Variants in TMEM132C observed in about 807,000 individuals in gnomAD.
TMEM132C encodes the protein protein phosphatase 1, regulatory subunit 152.
In TMEM132C, 29 loss-of-function variants were observed where a neutral mutation model predicts 61.4. That is an observed-to-expected ratio of 0.47 (90% CI 0.35 to 0.64). TMEM132C has a LOEUF of 0.64. Among genes scored for constraint, TMEM132C ranks in the 30% least tolerant of loss-of-function variants. The pLI, the probability that TMEM132C is intolerant of heterozygous loss-of-function variation, is 0.00. For missense variants in TMEM132C, 1,408 were observed against 1,476.9 expected (o/e 0.95, Z 0.76); for synonymous variants, 656 against 633.1 (o/e 1.04, Z -0.54).
intron 4 of TMEM132C, among the ~76,000 whole-genome samples, chr12:128,635,245 C>T (rs1166252606): frequency 6.6e-6 from 1 of 152,172 alleles, no homozygotes; most frequent in Non-Finnish European, 1.5e-5. Context: ...AAAAAGTTTT[C>T]AGAATGCTTA....
At chr12:128,475,437 C>A (rs576494713) in intron 2 of TMEM132C, among the ~76,000 whole-genome samples, 1 of 151,884 alleles carries the variant, frequency 6.6e-6, no homozygotes, top group East Asian at 1.9e-4. Context: ...AACTGGCATG[C>A]GGTTGCACTT....
At chr12:128,688,204 A>G (rs1593149168) in intron 5 of TMEM132C, among the ~76,000 whole-genome samples, 1 of 152,190 alleles carries the variant, frequency 6.6e-6, no homozygotes. Flanking sequence ...AATGACTCGA[A>G]CAGCCACATG....
intron 4 of TMEM132C, among the ~76,000 whole-genome samples, chr12:128,645,131 A>C (rs914010264): frequency 3.9e-5 from 6 of 152,088 alleles, no homozygotes; most frequent in Admixed American, 3.3e-4. Flanking sequence ...TCCTGGCCGC[A>C]CTGGAGAAAG....
At chr12:128,578,151 C>T (rs527377667) in intron 3 of TMEM132C, among the ~76,000 whole-genome samples, 24 of 152,392 alleles carry the variant, frequency 1.6e-4, no homozygotes, top group Middle Eastern at 3.4e-3. Context: ...CCGCTTCCCT[C>T]CACGCCAGTG....
chr12:128,661,560 A>G (rs1157798344), intron 4 of TMEM132C, among the ~76,000 whole-genome samples: 1 of 76,164 alleles, frequency 1.3e-5, no homozygotes, highest in South Asian at 3.1e-4. Context: ...AGAAGATGCT[A>G]AAAAAAAAAA....
chr12:128,465,698 G>A (rs1305911478), intron 2 of TMEM132C, among the ~76,000 whole-genome samples: 1 of 152,240 alleles, frequency 6.6e-6, no homozygotes, highest in African/African-American at 2.4e-5. Context: ...GTGAGACCCT[G>A]CTTGGGTGTG....
chr12:128,334,342 C>T (rs1382418486), intron 1 of TMEM132C, among the ~76,000 whole-genome samples: 1 of 152,156 alleles, frequency 6.6e-6, no homozygotes, highest in African/African-American at 2.4e-5. Context: ...TGTTAGTCCC[C>T]AGCCTTGGCA....
chr12:128,570,507 T>C lies in TMEM132C; in HGVS notation c.1121+26404T>C, dbSNP rs1371114929. 2.6e-5 allele frequency among the ~76,000 whole-genome samples: 4 copies of C among 152,182 alleles called. No individual in the cohort carries two copies. Among genetic ancestry groups the C allele is most frequent in the Non-Finnish European group, 5.9e-5 (4 of 68,034 alleles). On this transcript the variant is annotated intron_variant, in intron 3 of 8. Transcript: ENST00000435159. The surrounding 1 kb of genome is among the most constrained non-coding windows in gnomAD (Gnocchi z 4.7). ...CTAATGGGTGTTTTTACTGATGCCATGAACAGAAACTAGATTGCAGAGGCC... is the reference window on the plus strand; with the variant it reads ...CTAATGGGTGTTTTTACTGATGCCACGAACAGAAACTAGATTGCAGAGGCC...
intron 1 of TMEM132C, among the ~76,000 whole-genome samples, chr12:128,286,843 A>T (rs1871091163): frequency 6.6e-6 from 1 of 152,190 alleles, no homozygotes; most frequent in South Asian, 2.1e-4. Context: ...GGAGAGAGGG[A>T]GTGCCGGGCA....
rs185257436 is a variant in TMEM132C at position 128,344,233 on chromosome 12, C to T, written c.86-70499C>T. On this transcript the variant is annotated intron_variant, in intron 1 of 8. Coordinates refer to ENST00000435159, the MANE Select transcript of TMEM132C (RefSeq NM_001136103.3). ...AGTGCCGTGGCGCAATCTAGGCTCA[C>T]GGCAAGCTCCGCCTCCCGGGTTCAC... Among the ~76,000 whole-genome samples, 8 of 152,318 alleles carry T rather than the reference C, an allele frequency of 5.3e-5. No individual in the cohort carries two copies. The East Asian group carries it at 1.4e-3, about 26-fold the overall frequency.
intron 1 of TMEM132C, among the ~76,000 whole-genome samples, chr12:128,347,836 A>C (rs942698355): frequency 6.6e-6 from 1 of 152,214 alleles, no homozygotes. Flanking sequence ...AGGAATCCTC[A>C]TACTGTTTTC....
intron 3 of TMEM132C, among the ~76,000 whole-genome samples, chr12:128,566,276 C>G (rs1874700599): frequency 6.6e-6 from 1 of 150,584 alleles, no homozygotes; most frequent in Non-Finnish European, 1.5e-5. Flanking sequence ...TTAAAGAATG[C>G]TACTAAAGAG....
intron 1 of TMEM132C, among the ~76,000 whole-genome samples, chr12:128,310,074 G>A (rs1034461392): frequency 7.9e-5 from 12 of 152,188 alleles, no homozygotes; most frequent in Non-Finnish European, 1.5e-4. Flanking sequence ...ATATTTCATT[G>A]TACAGACAGA....
At chr12:128,541,477 A>G (rs989004474) in intron 2 of TMEM132C, among the ~76,000 whole-genome samples, 4 of 151,936 alleles carry the variant, frequency 2.6e-5, no homozygotes, top group Non-Finnish European at 5.9e-5. Context: ...CTGGTGACCA[A>G]CCCTATCCTG....
At chr12:128,599,972 T>G (rs1297510448) in intron 3 of TMEM132C, among the ~76,000 whole-genome samples, 2 of 152,012 alleles carry the variant, frequency 1.3e-5, no homozygotes. Flanking sequence ...GATGGTTTTT[T>G]GTTTTTTGTT....
intron 3 of TMEM132C, among the ~76,000 whole-genome samples, chr12:128,614,889 T>A (rs1208777175): frequency 6.6e-6 from 1 of 152,066 alleles, no homozygotes; most frequent in Non-Finnish European, 1.5e-5. Flanking sequence ...ACGACAAAGG[T>A]CCAACCTCTG....
chr12:128,655,369 T>G (rs1954315578), intron 4 of TMEM132C, among the ~76,000 whole-genome samples: 1 of 152,150 alleles, frequency 6.6e-6, no homozygotes, highest in Non-Finnish European at 1.5e-5. Context: ...TGTGCGTGTG[T>G]GTAATGTATT....
intron 5 of TMEM132C, among the ~76,000 whole-genome samples, chr12:128,681,922 G>C (rs941321323): frequency 1.4e-5 from 2 of 145,638 alleles, no homozygotes; most frequent in Non-Finnish European, 3.0e-5. Context: ...CACCCACCTT[G>C]GCCTCCCAAA....
chr12:128,292,507 C>G (rs1489222907), intron 1 of TMEM132C, among the ~76,000 whole-genome samples: 1 of 152,060 alleles, frequency 6.6e-6, no homozygotes, highest in Non-Finnish European at 1.5e-5. Context: ...TACTGAAACC[C>G]TGGTACCTAG....
Sources: gnomAD v4.1 joint callset for allele counts (sites outside exome capture counted in the v4.1 genomes callset) on GRCh38, gnomAD v4.1.1 for gene constraint, Gnocchi (gnomAD v3.1) non-coding constraint, MANE v1.5 for transcripts, NCBI Gene and HGNC (gene_info 2026-07-23, HGNC 2026-07-21) for gene names.